Variants in POLK observed in about 807,000 individuals in gnomAD.
POLK encodes the protein DNA polymerase kappa.
POLK carries 76 observed loss-of-function variants against 94.0 expected under a neutral mutation model. The observed-to-expected ratio is 0.81, with a 90% confidence interval of 0.67 to 0.98. POLK has a LOEUF of 0.98. Among genes scored for constraint, POLK ranks in the 50% least tolerant of loss-of-function variants. The probability of loss-of-function intolerance (pLI) is 0.00; values close to 1 mark genes in which losing one functional copy is unlikely to be tolerated. For missense variants in POLK, 954 were observed against 1,010.1 expected, an observed-to-expected ratio of 0.94 and a Z score of 0.75; for synonymous variants, 349 against 325.4, an observed-to-expected ratio of 1.07 and a Z score of -0.78.
At chr5:75,552,710 GCATA>G (rs1298780859) in intron 3 of POLK, 119 bp downstream of exon 3, 1 of 1,037,374 alleles carries the variant, frequency 9.6e-7, no homozygotes, top group Non-Finnish European at 1.4e-6. Flanking sequence ...ATATTGTAAA[GCATA>G]CATATTCAGC....
At chr5:75,557,395 A>G (rs1219549585) in intron 3 of POLK, among the ~76,000 whole-genome samples, 1 of 152,226 alleles carries the variant, frequency 6.6e-6, no homozygotes, top group Non-Finnish European at 1.5e-5. Context: ...CTAGGATTGC[A>G]TTGAGTGTAT....
At position 75,593,904 on chromosome 5, in the gene POLK, G is replaced by GA. The variant is rs758216211; in HGVS notation, c.1385dup (p.Asn462LysfsTer5). 1.9e-6 allele frequency: 3 copies of GA among 1,594,968 alleles called. No individual in the cohort carries two copies. The Admixed American group carries it at 5.0e-5, about 27-fold the overall frequency. ...GTAGAACTGTTACCATTAAGTTGAA[G>GA]AATGTGAATTTTGAAGTAAAAACTC... On this transcript the variant is annotated frameshift_variant, in exon 12 of 15. Transcript: ENST00000241436. LOFTEE classifies it high-confidence loss of function.
intron 1 of POLK, among the ~76,000 whole-genome samples, chr5:75,538,078 G>A (rs1001821884): frequency 3.3e-5 from 5 of 151,964 alleles, no homozygotes; most frequent in African/African-American, 7.3e-5. Context: ...GGATGGTCTC[G>A]ATCTCCTGAC....
chr5:75,569,320 A>G lies in POLK; in HGVS notation c.256-20A>G, dbSNP rs957145686. 1.3e-6 allele frequency: 2 copies of G among 1,564,202 alleles called. No individual in the cohort carries two copies. The highest frequency in any genetic ancestry group is 2.3e-5 in the East Asian group (1 of 44,440). On this transcript the variant is annotated intron_variant, in intron 3 of 14. Coordinates refer to ENST00000241436, the Ensembl canonical transcript of POLK. ...ATATTATGTTGTCTAAAAGTATGTTAACTTTTTTAAAAAATTAAGGTTGAC... is the reference window on the plus strand; with the variant it reads ...ATATTATGTTGTCTAAAAGTATGTTGACTTTTTTAAAAAATTAAGGTTGAC...
At chr5:75,565,023 A>T (rs1466816816) in intron 3 of POLK, among the ~76,000 whole-genome samples, 1 of 152,120 alleles carries the variant, frequency 6.6e-6, no homozygotes, top group Admixed American at 6.5e-5. Flanking sequence ...TCACCAATCA[A>T]ATGTAGGTTT....
chr5:75,602,375 G>A (rs1773314233), downstream of POLK, among the ~76,000 whole-genome samples: 1 of 152,092 alleles, frequency 6.6e-6, no homozygotes, highest in Non-Finnish European at 1.5e-5. Flanking sequence ...AAGGCCTCAG[G>A]CATACTAGAA....
chr5:75,577,944 A>G (rs1227381084), intron 6 of POLK, among the ~76,000 whole-genome samples: 1 of 152,142 alleles, frequency 6.6e-6, no homozygotes, highest in African/African-American at 2.4e-5. Context: ...TATTTGGTGT[A>G]ACTTTATTGT....
chr5:75,590,623 G>C, intron 11 of POLK, 183 bp downstream of exon 11: 1 of 542,272 alleles, frequency 1.8e-6, no homozygotes, highest in Non-Finnish European at 3.3e-6. Context: ...TCTGGAGTCT[G>C]TGATGAGGTG....
At chr5:75,511,781 C>G in exon 1 of POLK, 1 of 1,551,422 alleles carries the variant, frequency 6.4e-7, no homozygotes, top group East Asian at 2.4e-5. Flanking sequence ...CGGGTGACGA[C>G]GGGTAGAAAA....
chr5:75,511,099 AG>A, upstream of POLK: 1 of 1,539,142 alleles, frequency 6.5e-7, no homozygotes, highest in African/African-American at 1.4e-5. Context: ...CCTTGGCACC[AG>A]GGGTTGCTCA....
At chr5:75,548,404 T>C (rs1218395289) in intron 2 of POLK, among the ~76,000 whole-genome samples, 1 of 151,544 alleles carries the variant, frequency 6.6e-6, no homozygotes, top group Non-Finnish European at 1.5e-5. Context: ...CATATGGCTT[T>C]CTTCAAGGTT....
Position 75,554,493 on chromosome 5 carries a change from T to C in POLK, c.255+1902T>C, listed in dbSNP as rs1354376388. On this transcript the variant is annotated intron_variant, in intron 3 of 14. Coordinates refer to ENST00000241436, the Ensembl canonical transcript of POLK. Reference sequence around the variant, plus strand: ...ATATATATATATATCTTCCTTTCCCTTCAAAATTTATTTTTTTTAACTTTT... The same window carrying C: ...ATATATATATATATCTTCCTTTCCCCTCAAAATTTATTTTTTTTAACTTTT... 3.3e-5 allele frequency among the ~76,000 whole-genome samples: 5 copies of C among 152,124 alleles called. No individual in the cohort carries two copies. In the East Asian group the frequency reaches 9.6e-4, roughly 29 times the overall value.
At chr5:75,607,437 C>T in the POLK span, among the ~76,000 whole-genome samples, 74 of 145,004 alleles carry the variant, frequency 5.1e-4, no homozygotes, top group African/African-American at 1.8e-3. Flanking sequence ...CACTGCACTC[C>T]AACCTGGGTG....
intron 12 of POLK, among the ~76,000 whole-genome samples, chr5:75,595,514 A>C (rs1773030171): frequency 6.6e-6 from 1 of 152,130 alleles, no homozygotes; most frequent in Non-Finnish European, 1.5e-5. Context: ...GATTCCAACC[A>C]TATGAGATTC....
chr5:75,526,053 G>A (rs896842153), intron 1 of POLK, among the ~76,000 whole-genome samples: 1 of 152,078 alleles, frequency 6.6e-6, no homozygotes, highest in Non-Finnish European at 1.5e-5. Context: ...TTGGCATATG[G>A]TAAATTGTTG....
intron 1 of POLK, chr5:75,538,534 C>G (rs1252593201): frequency 6.6e-6 from 1 of 151,908 alleles, no homozygotes; most frequent in Non-Finnish European, 1.5e-5. Flanking sequence ...AAATACAAAC[C>G]AAGTTATAGT....
chr5:75,599,578 A>T (rs891425947), exon 15 of POLK: 1 of 152,126 alleles, frequency 6.6e-6, no homozygotes, highest in African/African-American at 2.4e-5. Flanking sequence ...ATGGTTCTTG[A>T]TGGTGTGATT....
At chr5:75,520,904 C>A (rs1392786486) in intron 1 of POLK, among the ~76,000 whole-genome samples, 1 of 152,128 alleles carries the variant, frequency 6.6e-6, no homozygotes, top group Non-Finnish European at 1.5e-5. Context: ...TCTTCAATGG[C>A]AGTTGTTTCT....
chr5:75,528,760 A>G (rs986180672), intron 1 of POLK, among the ~76,000 whole-genome samples: 2 of 152,224 alleles, frequency 1.3e-5, no homozygotes, highest in Admixed American at 6.5e-5. Flanking sequence ...ACAGTGAGCT[A>G]TGATTGTGCT....
Sources: gnomAD v4.1 joint callset for allele counts (sites outside exome capture counted in the v4.1 genomes callset) on GRCh38, gnomAD v4.1.1 for gene constraint, MANE v1.5 for transcripts, NCBI Gene and HGNC (gene_info 2026-07-23, HGNC 2026-07-21) for gene names.